The following CFAP91 variants were observed in gnomAD, a reference collection of about 807,000 sequenced individuals.
CFAP91 encodes the protein cilia and flagella associated protein 91.
A neutral mutation model predicts 95.9 loss-of-function variants in CFAP91; 85 were observed. The ratio of observed to expected loss-of-function variants is 0.89; its 90% confidence interval spans 0.74 to 1.06. CFAP91 has a LOEUF of 1.06. Among genes scored for constraint, CFAP91 ranks in the 50% least tolerant of loss-of-function variants. CFAP91 has a pLI of 0.00. For missense variants in CFAP91, 962 were observed against 943.4 expected, an observed-to-expected ratio of 1.02 and a Z score of -0.26; for synonymous variants, 335 against 327.5, an observed-to-expected ratio of 1.02 and a Z score of -0.25.
At chr3:119,742,292 G>T (rs1227031095) in intron 13 of CFAP91, among the ~76,000 whole-genome samples, 2 of 152,130 alleles carry the variant, frequency 1.3e-5, no homozygotes, top group East Asian at 3.9e-4. Context: ...GGGATCTGAG[G>T]GAGTGAGCAC....
At chr3:119,756,331 GGCAAACATATTCTTCAT>G (rs1246830678) in intron 17 of CFAP91, among the ~76,000 whole-genome samples, 1 of 152,130 alleles carries the variant, frequency 6.6e-6, no homozygotes, top group South Asian at 2.1e-4. Flanking sequence ...TAGGATTCTA[GGCAAACATATTCTTCAT>G]GCAAACATAT....
intron 16 of CFAP91, chr3:119,750,697 G>C (rs749737352): frequency 1.2e-5 from 6 of 511,426 alleles, no homozygotes; most frequent in Non-Finnish European, 2.1e-5. Flanking sequence ...CCAGGTTTTA[G>C]AGTGCAGGCA....
intron 17 of CFAP91, among the ~76,000 whole-genome samples, chr3:119,753,230 T>C (rs1350398130): frequency 6.6e-6 from 1 of 152,066 alleles, no homozygotes; most frequent in Non-Finnish European, 1.5e-5. Flanking sequence ...GAGGAGTATT[T>C]TTAAAAGCTT....
intron 17 of CFAP91, among the ~76,000 whole-genome samples, chr3:119,762,603 A>G (rs148786824): frequency 6.6e-6 from 1 of 152,146 alleles, no homozygotes; most frequent in Non-Finnish European, 1.5e-5. Context: ...ATGCTAATCA[A>G]AACAGCATGG....
rs1287700448 is a variant in CFAP91, at chr3:119,765,376, A to C, written c.*326A>C. 1 of 152,182 alleles carries C rather than the reference A, an allele frequency of 6.6e-6. No homozygotes were observed. The highest frequency in any genetic ancestry group is 6.5e-5 in the Admixed American group (1 of 15,272). The allele number at this position is 152,182 out of a possible 1,614,324, so 9.4% of individuals were successfully genotyped here. A position where few individuals can be genotyped will look rare whatever the true frequency, so the allele number is the denominator to read the frequency against. ...GGAAATGTTGTGGAATATTTTTCCA[A>C]GTAGTTTTGGTTCACTATTCACAGG... On this transcript the variant is annotated 3_prime_UTR_variant, in exon 18 of 18. Coordinates refer to ENST00000273390, the MANE Select transcript of CFAP91 (RefSeq NM_033364.4).
intron 7 of CFAP91, among the ~76,000 whole-genome samples, chr3:119,729,675 C>T (rs1430243037): frequency 6.6e-6 from 1 of 151,948 alleles, no homozygotes; most frequent in Non-Finnish European, 1.5e-5. Flanking sequence ...AAAGAAATAT[C>T]TAAGCTGGAG....
intron 6 of CFAP91, among the ~76,000 whole-genome samples, chr3:119,716,844 C>T (rs1241473417): frequency 2.4e-4 from 37 of 152,164 alleles, no homozygotes; most frequent in Admixed American, 2.4e-3. Flanking sequence ...CCCACCTCAG[C>T]CTCCCAAAGT....
chr3:119,732,051 G>A (rs111964358), intron 8 of CFAP91, among the ~76,000 whole-genome samples: 5 of 152,252 alleles, frequency 3.3e-5, no homozygotes, highest in African/African-American at 1.2e-4. Context: ...GATTTTTGAC[G>A]AGTACCGATT....
chr3:119,757,857 A>C (rs2054462783), intron 17 of CFAP91, among the ~76,000 whole-genome samples: 1 of 152,114 alleles, frequency 6.6e-6, no homozygotes, highest in African/African-American at 2.4e-5. Flanking sequence ...CCCCAGAGTA[A>C]GGCCAAATTT....
At position 119,715,553 on chromosome 3, in the gene CFAP91, C is replaced by A. The variant is rs374047605; in HGVS notation, c.501-9C>A. ...GGTTTCAATTTTTAAACTGATTTTT[C>A]TCTTTTAGGGCAGAACCATACACTT... On this transcript the variant is annotated splice_polypyrimidine_tract_variant and intron_variant, in intron 5 of 17. Coordinates refer to ENST00000273390, the MANE Select transcript of CFAP91 (RefSeq NM_033364.4). The A allele has an allele frequency of 1.7e-4, 278 of 1,611,270 alleles. No homozygotes were observed. The highest frequency in any genetic ancestry group is 2.2e-4 in the Non-Finnish European group (265 of 1,178,582).
At chr3:119,746,746 C>T (rs1284133937) in intron 14 of CFAP91, among the ~76,000 whole-genome samples, 1 of 152,136 alleles carries the variant, frequency 6.6e-6, no homozygotes, top group Non-Finnish European at 1.5e-5. Context: ...TGCAGAATAC[C>T]TCCTAGTCTG....
intron 6 of CFAP91, among the ~76,000 whole-genome samples, chr3:119,721,889 G>A (rs1433531471): frequency 6.6e-6 from 1 of 152,112 alleles, no homozygotes; most frequent in African/African-American, 2.4e-5. Flanking sequence ...TAGAAAAATT[G>A]TTGAGGCCAG....
intron 5 of CFAP91, among the ~76,000 whole-genome samples, chr3:119,714,126 G>A (rs897028037): frequency 6.6e-6 from 1 of 152,084 alleles, no homozygotes; most frequent in Non-Finnish European, 1.5e-5. Context: ...ACTTTGGGAG[G>A]CAGAGACGGG....
chr3:119,749,214 A>G (rs2054279556), intron 16 of CFAP91: 1 of 152,140 alleles, frequency 6.6e-6, no homozygotes, highest in Non-Finnish European at 1.5e-5. Flanking sequence ...AGAGGAGGAA[A>G]ACTGGGTTTA....
Position 119,709,892 on chromosome 3 carries a change from C to G in CFAP91, c.497C>G (p.Ser166Cys). The change falls in exon 5 of 18, where the codon TCC becomes TGC. Residue 166 changes from serine (S) to cysteine (C), a missense_variant. Transcript: ENST00000273390. ...CCATTCAATGTTGTTTATGCCGTAT[C>G]CAAGTAAGTAACCATTATTTGAAAA... ...QMPFNVVYAVSKAEPYTFPPT... is the reference protein window; with the variant it reads ...QMPFNVVYAVCKAEPYTFPPT... 1.2e-6 allele frequency: 2 copies of G among 1,605,502 alleles called. No individual in the cohort carries two copies. The highest frequency in any genetic ancestry group is 1.1e-5 in the South Asian group (1 of 90,740).
chr3:119,757,895 C>T lies in CFAP91; in HGVS notation c.*1+6797C>T, dbSNP rs560144794. Among the ~76,000 whole-genome samples the T allele has an allele frequency of 1.8e-4, 27 of 152,154 alleles. 1 individual carries two copies. The South Asian group carries it at 4.6e-3, about 26-fold the overall frequency. ...CCATATAATGTTAGCTTTAGGTTTTCGGTAGATACTGTTTTTCTGCTTGAG... is the reference window on the plus strand; with the variant it reads ...CCATATAATGTTAGCTTTAGGTTTTTGGTAGATACTGTTTTTCTGCTTGAG... On this transcript the variant is annotated intron_variant, in intron 17 of 17. Coordinates refer to ENST00000273390, the MANE Select transcript of CFAP91 (RefSeq NM_033364.4).
chr3:119,730,014 A>G (rs536746828), intron 7 of CFAP91, among the ~76,000 whole-genome samples: 4 of 152,212 alleles, frequency 2.6e-5, no homozygotes, highest in Admixed American at 2.0e-4. Flanking sequence ...AACTACACCC[A>G]TATATATTCC....
chr3:119,719,503 G>A (rs2053641487), intron 6 of CFAP91, among the ~76,000 whole-genome samples: 1 of 152,224 alleles, frequency 6.6e-6, no homozygotes, highest in Non-Finnish European at 1.5e-5. Context: ...CTTATGATGT[G>A]TCAAGAACTG....
intron 17 of CFAP91, among the ~76,000 whole-genome samples, chr3:119,762,621 C>T (rs1352449885): frequency 2.0e-5 from 3 of 151,636 alleles, no homozygotes; most frequent in Admixed American, 1.3e-4. Flanking sequence ...TGGTACTACA[C>T]ACACAGACCA....
Sources: gnomAD v4.1 joint callset for allele counts (sites outside exome capture counted in the v4.1 genomes callset) on GRCh38, gnomAD v4.1.1 for gene constraint, MANE v1.5 for transcripts, NCBI Gene and HGNC (gene_info 2026-07-23, HGNC 2026-07-21) for gene names.